THOC2: variants seen among roughly 807,000 people sequenced by gnomAD.
The protein encoded by THOC2 is THO complex subunit 2.
In THOC2, 10 loss-of-function variants were observed where a neutral mutation model predicts 128.4. That is an observed-to-expected ratio of 0.08 (90% CI 0.05 to 0.13). THOC2 has a LOEUF of 0.13. Ranked by LOEUF, THOC2 falls within the 10% of genes least tolerant of loss-of-function variation. THOC2 has a pLI of 1.00. For synonymous variants in THOC2, 393 were observed against 396.9 expected, an observed-to-expected ratio of 0.99 and a Z score of 0.12; for missense variants, 535 against 1,155.7, an observed-to-expected ratio of 0.46 and a Z score of 7.79.
intron 11 of THOC2, 40 bp from the exon 12 acceptor site, chrX:123,665,877 A>G (rs771337588): frequency 1.3e-6 from 1 of 779,601 alleles, no homozygotes; most frequent in Non-Finnish European, 1.7e-6. Context: ...ACAAATAAAT[A>G]AGTATATAAT....
chrX:123,730,387 A>G (rs2052188016), intron 1 of THOC2, among the ~76,000 whole-genome samples: 1 of 110,360 alleles, frequency 9.1e-6, no homozygotes, highest in Non-Finnish European at 1.9e-5. Context: ...CATGTTGGTC[A>G]GGCTTGTCTG....
intron 36 of THOC2, among the ~76,000 whole-genome samples, chrX:123,611,734 A>G (rs1326254042): frequency 1.9e-5 from 2 of 107,483 alleles, no homozygotes; most frequent in African/African-American, 6.7e-5. Flanking sequence ...AAGTGAAAAG[A>G]CAACCTATAG....
chrX:123,673,244 C>G (rs956725734), intron 8 of THOC2, among the ~76,000 whole-genome samples: 6 of 111,796 alleles, frequency 5.4e-5, no homozygotes, highest in Admixed American at 2.8e-4. Context: ...GAGGCTGAAG[C>G]AGGAGAATCA....
At chrX:123,657,966 T>C (rs1250916484) in intron 12 of THOC2, among the ~76,000 whole-genome samples, 5 of 28,981 alleles carry the variant, frequency 1.7e-4, no homozygotes, top group African/African-American at 5.5e-4. Context: ...TATGCGTGTG[T>C]GTGTGTGTGT....
intron 38 of THOC2, chrX:123,610,258 C>A (rs1048225830): frequency 9.2e-6 from 1 of 108,319 alleles, no homozygotes; most frequent in African/African-American, 3.4e-5. Flanking sequence ...GGGTAAAATA[C>A]TTTTTAAATC....
At chrX:123,654,592 A>T in intron 12 of THOC2, among the ~76,000 whole-genome samples, 1 of 102,961 alleles carries the variant, frequency 9.7e-6, no homozygotes, top group Non-Finnish European at 2.0e-5. Context: ...CTTCTCTACT[A>T]AAAAAAAATG....
chrX:123,704,201 T>C (rs1262921680), intron 3 of THOC2, among the ~76,000 whole-genome samples: 2 of 112,013 alleles, frequency 1.8e-5, no homozygotes, highest in African/African-American at 3.2e-5. Flanking sequence ...AGGAAGACTG[T>C]TAAAAACTGT....
intron 36 of THOC2, among the ~76,000 whole-genome samples, chrX:123,613,090 A>C (rs2046763690): frequency 9.0e-6 from 1 of 111,592 alleles, no homozygotes; most frequent in African/African-American, 3.3e-5. Context: ...GAGAAACTAA[A>C]AGCAAAGAGT....
chrX:123,637,565 G>A (rs2047721744), intron 18 of THOC2, among the ~76,000 whole-genome samples: 1 of 111,236 alleles, frequency 9.0e-6, no homozygotes, highest in African/African-American at 3.3e-5. Context: ...TTCAAGACCA[G>A]CCTGGCCAAC....
chrX:123,636,221 G>T, intron 18 of THOC2, 46 bp from the exon 19 acceptor site: 1 of 1,004,262 alleles, frequency 1.0e-6, no homozygotes, highest in Non-Finnish European at 1.4e-6. Flanking sequence ...AAAACAAAAT[G>T]CACAAGTATC....
Sources: allele counts gnomAD v4.1 joint callset (sites outside exome capture counted in the v4.1 genomes callset), GRCh38; gene constraint gnomAD v4.1.1; transcripts MANE v1.5; gene names NCBI Gene and HGNC (gene_info 2026-07-23, HGNC 2026-07-21).